CNTNAP2: variants seen among roughly 807,000 people sequenced by gnomAD.
CNTNAP2 encodes contactin-associated protein-like 2.
A neutral mutation model predicts 155.2 loss-of-function variants in CNTNAP2; 98 were observed. The observed-to-expected ratio is 0.63, with a 90% CI of 0.54 to 0.75. The LOEUF (loss-of-function observed/expected upper bound fraction) is 0.75. Ranked by LOEUF, CNTNAP2 falls within the 30% of genes least tolerant of loss-of-function variation. CNTNAP2 has a pLI of 0.00. For synonymous variants in CNTNAP2, 651 were observed against 631.2 expected (o/e 1.03, Z -0.47); for missense variants, 1,727 against 1,688.1 (o/e 1.02, Z -0.40).
intron 1 of CNTNAP2, among the ~76,000 whole-genome samples, chr7:146,264,551 TAATA>T (rs1366983241): frequency 6.6e-6 from 1 of 152,106 alleles, no homozygotes; most frequent in East Asian, 1.9e-4. Context: ...TCCATTAGTC[TAATA>T]AATAGTTGGC....
intron 1 of CNTNAP2, among the ~76,000 whole-genome samples, chr7:146,635,383 A>T (rs78163636): frequency 1.3e-5 from 2 of 152,152 alleles, no homozygotes; most frequent in Non-Finnish European, 2.9e-5. Context: ...ATGCTATGCT[A>T]GTAACAGGAG....
intron 11 of CNTNAP2, among the ~76,000 whole-genome samples, chr7:147,487,288 G>T (rs1584765146): frequency 1.3e-5 from 2 of 152,074 alleles, no homozygotes; most frequent in African/African-American, 4.8e-5. Context: ...ATTGATACTA[G>T]ATTCATTATC....
At chr7:147,247,616 A>C (rs2116651389) in intron 8 of CNTNAP2, among the ~76,000 whole-genome samples, 1 of 152,356 alleles carries the variant, frequency 6.6e-6, no homozygotes, top group African/African-American at 2.4e-5. Context: ...CACTGAAGAT[A>C]AAGATTGACT....
At chr7:148,360,981 G>T (rs969672381) in intron 21 of CNTNAP2, among the ~76,000 whole-genome samples, 2 of 151,892 alleles carry the variant, frequency 1.3e-5, no homozygotes, top group Non-Finnish European at 2.9e-5. Context: ...GCTAATTTTT[G>T]TATTTTTAGT....
chr7:146,382,407 T>C (rs2129105157), intron 1 of CNTNAP2, among the ~76,000 whole-genome samples: 1 of 152,318 alleles, frequency 6.6e-6, no homozygotes, highest in East Asian at 1.9e-4. Flanking sequence ...GCTGAATGTT[T>C]TCCTGTGCTA....
chr7:146,874,680 G>A (rs1381043834), intron 3 of CNTNAP2, among the ~76,000 whole-genome samples: 1 of 152,150 alleles, frequency 6.6e-6, no homozygotes, highest in Non-Finnish European at 1.5e-5. Flanking sequence ...TTGTGTGACT[G>A]TGTAACAAAA....
At chr7:146,922,856 A>T (rs1315324981) in intron 3 of CNTNAP2, among the ~76,000 whole-genome samples, 1 of 152,222 alleles carries the variant, frequency 6.6e-6, no homozygotes, top group Admixed American at 6.5e-5. Context: ...AACTCATTAA[A>T]ATATATCTAA....
intron 17 of CNTNAP2, among the ~76,000 whole-genome samples, chr7:148,169,829 G>A (rs1360135789): frequency 2.6e-5 from 4 of 152,202 alleles, no homozygotes; most frequent in Admixed American, 6.5e-5. Context: ...GTGTGGTGGC[G>A]TGTGCCTGTA....
chr7:146,712,149 G>C (rs1430744168), intron 1 of CNTNAP2, among the ~76,000 whole-genome samples: 1 of 121,116 alleles, frequency 8.3e-6, no homozygotes, highest in African/African-American at 3.2e-5. Flanking sequence ...ATACTATATA[G>C]TATACATATC....
chr7:148,264,958 G>A (rs1278768119), intron 20 of CNTNAP2, among the ~76,000 whole-genome samples: 2 of 152,194 alleles, frequency 1.3e-5, no homozygotes, highest in Non-Finnish European at 2.9e-5. Flanking sequence ...CTCCCAAAGT[G>A]TTGGGATTAC....
rs184554466 is a variant in CNTNAP2, at chr7:146,851,017, C to T, written c.402+11113C>T. Among the ~76,000 whole-genome samples the T allele has an allele frequency of 4.7e-3, 719 of 152,206 alleles. 7 individuals carry two copies. Among genetic ancestry groups the T allele is most frequent in the African/African-American group, 0.017 (692 of 41,524 alleles). ...TTTATTTTTTTGAAACAGAGTCTCGCTCTGTCACCCAGGCTGGAGTGCAGT... is the reference window on the plus strand; with the variant it reads ...TTTATTTTTTTGAAACAGAGTCTCGTTCTGTCACCCAGGCTGGAGTGCAGT... On this transcript the variant is annotated intron_variant, in intron 3 of 23. Coordinates refer to ENST00000361727, the MANE Select transcript of CNTNAP2 (RefSeq NM_014141.6).
intron 1 of CNTNAP2, among the ~76,000 whole-genome samples, chr7:146,235,617 T>C (rs1423909330): frequency 6.6e-6 from 1 of 152,170 alleles, no homozygotes. Flanking sequence ...CTGGGGTTCT[T>C]ATACCCCTTT....
chr7:147,180,074 G>A (rs1802423388), intron 8 of CNTNAP2, among the ~76,000 whole-genome samples: 1 of 152,084 alleles, frequency 6.6e-6, no homozygotes, highest in Admixed American at 6.5e-5. Flanking sequence ...AACAGGCCTG[G>A]AGTAGTCCTG....
intron 14 of CNTNAP2, among the ~76,000 whole-genome samples, chr7:147,973,160 T>TTAAAAAAA (rs1316701536): frequency 8.3e-6 from 1 of 120,856 alleles, no homozygotes; most frequent in African/African-American, 3.5e-5. Context: ...TCTCTAAAAT[T>TTAAAAAAA]AAAAAAAAAA....
chr7:147,051,552 A>G (rs1799473873), intron 4 of CNTNAP2, among the ~76,000 whole-genome samples: 1 of 152,120 alleles, frequency 6.6e-6, no homozygotes, highest in African/African-American at 2.4e-5. Context: ...TTCACTAAGA[A>G]GCAACAGAAA....
intron 11 of CNTNAP2, among the ~76,000 whole-genome samples, chr7:147,510,718 T>C: frequency 6.6e-6 from 1 of 151,508 alleles, no homozygotes; most frequent in East Asian, 1.9e-4. Context: ...GTATGATAAC[T>C]AGTATGCACT....
intron 21 of CNTNAP2, among the ~76,000 whole-genome samples, chr7:148,303,355 A>G (rs2116503362): frequency 6.6e-6 from 1 of 152,334 alleles, no homozygotes; most frequent in Middle Eastern, 3.4e-3. Flanking sequence ...CACCTGCTGA[A>G]CATACTGAAG....
At chr7:147,759,398 T>G (rs1221961154) in intron 13 of CNTNAP2, among the ~76,000 whole-genome samples, 1 of 152,192 alleles carries the variant, frequency 6.6e-6, no homozygotes, top group Non-Finnish European at 1.5e-5. Context: ...GTCCCAATGC[T>G]CTTTGCAATG....
intron 21 of CNTNAP2, among the ~76,000 whole-genome samples, chr7:148,338,909 CCTGTG>C (rs1468035630): frequency 2.0e-5 from 3 of 152,122 alleles, no homozygotes; most frequent in Non-Finnish European, 4.4e-5. Flanking sequence ...CAGGACGTAA[CCTGTG>C]CTCTGAGAGT....
Sources: allele counts gnomAD v4.1 joint callset (sites outside exome capture counted in the v4.1 genomes callset), GRCh38; gene constraint gnomAD v4.1.1; transcripts MANE v1.5; gene names NCBI Gene and HGNC (gene_info 2026-07-23, HGNC 2026-07-21).